The following UBE2Q1 variants were observed in gnomAD, a reference collection of about 807,000 sequenced individuals.
UBE2Q1 encodes ubiquitin-conjugating enzyme E2 Q1.
A neutral mutation model predicts 60.1 loss-of-function variants in UBE2Q1; 6 were observed. The ratio of observed to expected loss-of-function variants is 0.10; its 90% CI spans 0.05 to 0.20. UBE2Q1 has a LOEUF of 0.20. UBE2Q1 is among the 10% of genes least tolerant of loss of function. UBE2Q1 has a pLI of 1.00. For missense variants in UBE2Q1, 262 were observed against 525.8 expected, an observed-to-expected ratio of 0.50 and a Z score of 4.91; for synonymous variants, 226 against 208.3, an observed-to-expected ratio of 1.09 and a Z score of -0.73.
chr1:154,558,514 G>A lies in UBE2Q1; in HGVS notation c.40C>T (p.Pro14Ser). ...PQPQGQQQPG[P>S]GQQLGGQGAA... is the part of the protein sequence containing the mutation. ...CCCTGGCCCCCCAGCTGCTGCCCCG[G>A]CCCCGGCTGCTGCTGCCCCTGCGGC... Residue 14 changes from proline (P) to serine (S), a missense_variant, in exon 1 of 13, where the codon CCG becomes TCG. Transcript: ENST00000292211. The A allele has an allele frequency of 8.8e-7, 1 of 1,133,524 alleles. No individual in the cohort carries two copies. The highest frequency in any genetic ancestry group is 1.1e-6 in the Non-Finnish European group (1 of 939,586). The allele number at this position is 1,133,524 out of a possible 1,614,324, so 70.2% of individuals were successfully genotyped here. A position where few individuals can be genotyped will look rare whatever the true frequency, so the allele number is the denominator to read the frequency against.
intron 1 of UBE2Q1, among the ~76,000 whole-genome samples, 163 bp downstream of exon 1, chr1:154,558,064 G>A (rs1165707398): frequency 6.6e-6 from 1 of 151,968 alleles, no homozygotes; most frequent in Non-Finnish European, 1.5e-5. Flanking sequence ...TGGGTGCACT[G>A]CATAACCTCA....
chr1:154,550,712 G>T (rs928607342), intron 12 of UBE2Q1: 6 of 985,242 alleles, frequency 6.1e-6, no homozygotes, highest in African/African-American at 1.7e-5. Context: ...GGTCAAGAAG[G>T]GGGTAGCACC....
rs1695814898 is a variant in UBE2Q1 at position 154,552,761 on chromosome 1, T to C, written c.789A>G (p.Ile263Met). 5 of 1,614,236 alleles carry C rather than the reference T, an allele frequency of 3.1e-6. No homozygotes were observed. The highest frequency in any genetic ancestry group is 4.2e-6 in the Non-Finnish European group (5 of 1,180,038). Reference protein sequence around the residue: ...TDRLMKELRDIYRSQSFKGGN... With the variant: ...TDRLMKELRDMYRSQSFKGGN... Reference sequence around the variant, plus strand: ...CGCCTTTGAAACTCTGTGATCGGTATATATCCCTGAGCTCCTTCATCAGCC... The same window carrying C: ...CGCCTTTGAAACTCTGTGATCGGTACATATCCCTGAGCTCCTTCATCAGCC... Residue 263 changes from isoleucine (I) to methionine (M), a missense_variant, in exon 6 of 13, where the codon ATA becomes ATG. Transcript: ENST00000292211.
At chr1:154,557,151 T>A (rs1230929409) in intron 1 of UBE2Q1, among the ~76,000 whole-genome samples, 1 of 152,216 alleles carries the variant, frequency 6.6e-6, no homozygotes, top group Non-Finnish European at 1.5e-5. Context: ...TTGGTTTGAT[T>A]GAGAAAACGG....
chr1:154,555,360 C>G (rs1013395609), intron 3 of UBE2Q1, 68 bp downstream of exon 3: 3 of 1,347,414 alleles, frequency 2.2e-6, no homozygotes, highest in Non-Finnish European at 3.2e-6. Context: ...TGATTTGTCT[C>G]AATTATTTAC....
chr1:154,555,479 G>A lies in UBE2Q1; in HGVS notation c.486C>T (p.Leu162=), dbSNP rs774515551. The A allele has an allele frequency of 6.2e-7, 1 of 1,614,196 alleles. No individual in the cohort carries two copies. Among genetic ancestry groups the A allele is most frequent in the Non-Finnish European group, 8.5e-7 (1 of 1,180,034 alleles). The change falls in exon 3 of 13, where the codon CTC becomes CTT. Residue 162 remains leucine, a synonymous_variant. Transcript: ENST00000292211. ...IISDLCKLYN[L]PQHPDVEMLD... ...GCATCTCCACATCTGGATGCTGAGG[G>A]AGGTTATAGAGTTTACACAGGTCGG...
chr1:154,552,362 C>G, intron 7 of UBE2Q1, 42 bp downstream of exon 7: 1 of 1,612,120 alleles, frequency 6.2e-7, no homozygotes, highest in Non-Finnish European at 8.5e-7. Context: ...CCCACTCACA[C>G]TCCTCCTCAA....
Position 154,550,259 on chromosome 1 carries a change from G to A in UBE2Q1, c.*179C>T. On this transcript the variant is annotated 3_prime_UTR_variant, in exon 13 of 13. Transcript: ENST00000292211. ...AGTCTTGAGTACTTGAAACAGTTCTGTGTTTGTTTTTTTTCCTTAGCGTTT... is the reference window on the plus strand; with the variant it reads ...AGTCTTGAGTACTTGAAACAGTTCTATGTTTGTTTTTTTTCCTTAGCGTTT... 2 of 857,246 alleles carry A rather than the reference G, an allele frequency of 2.3e-6. No homozygotes were observed. Among genetic ancestry groups the A allele is most frequent in the East Asian group, 2.5e-5 (1 of 39,934 alleles). The allele number at this position is 857,246 out of a possible 1,614,324, so 53.1% of individuals were successfully genotyped here.
Position 154,549,628 on chromosome 1 carries a change from G to A in UBE2Q1, c.*810C>T, listed in dbSNP as rs1695757860. On this transcript the variant is annotated 3_prime_UTR_variant, in exon 13 of 13. Transcript: ENST00000292211. ...TCAATTCATTCAAAAGGAATTCTAC[G>A]AAGCAGCCTCTTGAGCCTCATTTTC... 1 of 152,666 alleles carries A rather than the reference G, an allele frequency of 6.6e-6. No homozygotes were observed. The highest frequency in any genetic ancestry group is 1.5e-5 in the Non-Finnish European group (1 of 68,054). 9.5% of individuals were successfully genotyped at this position (152,666 alleles called of 1,614,324 possible).
intron 3 of UBE2Q1, 54 bp from the exon 4 acceptor site, chr1:154,554,839 G>A: frequency 1.3e-6 from 2 of 1,591,902 alleles, no homozygotes; most frequent in South Asian, 1.1e-5. Context: ...TTGCTAGAAT[G>A]CAGCCTCCAA....
At chr1:154,552,889 G>A (rs1695816871) in intron 5 of UBE2Q1, 69 bp from the exon 6 acceptor site, 2 of 1,594,220 alleles carry the variant, frequency 1.3e-6, no homozygotes, top group East Asian at 2.2e-5. Context: ...GACCTTAGGG[G>A]CAGTCTGGCA....
At chr1:154,551,253 G>T in intron 11 of UBE2Q1, 144 bp downstream of exon 11, 1 of 910,120 alleles carries the variant, frequency 1.1e-6, no homozygotes, top group Non-Finnish European at 1.7e-6. Context: ...GTTCCATTGT[G>T]GGCACCCTAG....
chr1:154,558,558 C>T lies in UBE2Q1; in HGVS notation c.-5G>A, dbSNP rs1444110177. 1 of 1,035,594 alleles carries T rather than the reference C, an allele frequency of 9.7e-7. No homozygotes were observed. Among genetic ancestry groups the T allele is most frequent in the African/African-American group, 1.7e-5 (1 of 57,520 alleles). 64.2% of individuals were successfully genotyped at this position (1,035,594 alleles called of 1,614,324 possible). ...CTGCGGCTGCGGCTGCTGCATCCTCCGCTCCGCTCCGCTCCGGGGCCGGCG... is the reference window on the plus strand; with the variant it reads ...CTGCGGCTGCGGCTGCTGCATCCTCTGCTCCGCTCCGCTCCGGGGCCGGCG... On this transcript the variant is annotated 5_prime_UTR_variant, in exon 1 of 13. Coordinates refer to ENST00000292211, the MANE Select transcript of UBE2Q1 (RefSeq NM_017582.7).
chr1:154,556,787 G>A (rs938843779), intron 1 of UBE2Q1, among the ~76,000 whole-genome samples: 10 of 152,148 alleles, frequency 6.6e-5, no homozygotes, highest in African/African-American at 1.9e-4. Flanking sequence ...AGGGACAAAC[G>A]CAGTAAATGG....
In UBE2Q1 at chr1:154,558,653, C is replaced by T. The variant is rs1695939712; in HGVS notation, c.-100G>A. 2 of 984,594 alleles carry T rather than the reference C, an allele frequency of 2.0e-6. No individual in the cohort carries two copies. Among genetic ancestry groups the T allele is most frequent in the African/African-American group, 1.8e-5 (1 of 55,578 alleles). The allele number at this position is 984,594 out of a possible 1,614,324, so 61.0% of individuals were successfully genotyped here. On this transcript the variant is annotated 5_prime_UTR_variant, in exon 1 of 13. Transcript: ENST00000292211. ...CGCCGCCGCCGCCGCCGCCGCGGTC[C>T]GCACTTCCTGATCCCCCCTTCGCCA...
chr1:154,551,028 C>T, intron 11 of UBE2Q1, 24 bp from the exon 12 acceptor site: 1 of 1,613,838 alleles, frequency 6.2e-7, no homozygotes, highest in Non-Finnish European at 8.5e-7. Flanking sequence ...GCCACCAGAT[C>T]AGGCCATGGC....
chr1:154,558,258 C>T lies in UBE2Q1; in HGVS notation c.296G>A (p.Gly99Glu). ...PHLPPRGSVP[G>E]DPVRIHCNIT... ...GTTGCAGTGGATGCGGACAGGATCCCCAGGCACCGACCCCCGTGGGGGGAG... is the reference window on the plus strand; with the variant it reads ...GTTGCAGTGGATGCGGACAGGATCCTCAGGCACCGACCCCCGTGGGGGGAG... The change falls in exon 1 of 13, where the codon GGG becomes GAG. Residue 99 changes from glycine (G) to glutamate (E), a missense_variant. By Grantham distance (98) the Gly-to-Glu change is moderately conservative. This residue lies in a region of UBE2Q1 where 49 missense variants were observed against 32.5 expected (regional missense o/e 1.51). Coordinates refer to ENST00000292211, the MANE Select transcript of UBE2Q1 (RefSeq NM_017582.7). 1 of 1,564,734 alleles carries T rather than the reference C, an allele frequency of 6.4e-7. No individual in the cohort carries two copies. The highest frequency in any genetic ancestry group is 8.6e-7 in the Non-Finnish European group (1 of 1,158,294).
chr1:154,555,733 C>G, intron 2 of UBE2Q1, 127 bp downstream of exon 2: 7 of 957,980 alleles, frequency 7.3e-6, no homozygotes, highest in Non-Finnish European at 1.1e-5. Context: ...TAAGCAACTC[C>G]CCCGAGAGGT....
chr1:154,555,949 C>T lies in UBE2Q1; in HGVS notation c.343G>A (p.Val115Met). ...HCNITESYPA[V>M]PPIWSVESDD... is the part of the protein sequence containing the mutation. The stretch of plus-strand genomic sequence containing the variant: ...GACTCCACCGACCAGATGGGGGGCA[C>T]AGCAGGGTATGACTCCTGAAGGGAA... Residue 115 changes from valine to methionine, a missense_variant, in exon 2 of 13, where the codon GTG becomes ATG. By Grantham distance (21) the Val-to-Met change is conservative (BLOSUM62 1). Transcript: ENST00000292211. The T allele has an allele frequency of 6.2e-7, 1 of 1,614,048 alleles. No individual in the cohort carries two copies. The highest frequency in any genetic ancestry group is 8.5e-7 in the Non-Finnish European group (1 of 1,179,992).
Sources: allele counts gnomAD v4.1 joint callset (sites outside exome capture counted in the v4.1 genomes callset), GRCh38; gene constraint gnomAD v4.1.1; regional missense constraint gnomAD v4.1.1; transcripts MANE v1.5; gene names NCBI Gene and HGNC (gene_info 2026-07-23, HGNC 2026-07-21).